MIGA1: variants seen among roughly 807,000 people sequenced by gnomAD.
The protein encoded by MIGA1 is family with sequence similarity 73, member A.
Under a neutral mutation model 82.0 loss-of-function variants are expected in MIGA1, and 58 were observed. The observed-to-expected ratio is 0.71, with a 90% CI of 0.57 to 0.88. MIGA1 has a LOEUF of 0.88. Ranked by LOEUF, MIGA1 falls within the 40% of genes least tolerant of loss-of-function variation. The pLI is 0.00. For synonymous variants in MIGA1, 249 were observed against 253.6 expected, an observed-to-expected ratio of 0.98 and a Z score of 0.17; for missense variants, 751 against 749.1, an observed-to-expected ratio of 1.00 and a Z score of -0.03.
chr1:77,858,584 A>G (rs561863908), intron 8 of MIGA1, among the ~76,000 whole-genome samples: 7 of 152,130 alleles, frequency 4.6e-5, no homozygotes, highest in South Asian at 4.1e-4. Context: ...TTATCTTCTT[A>G]TATCAGTGTA....
chr1:77,864,103 G>A (rs1371669081), intron 13 of MIGA1, 75 bp downstream of exon 13: 7 of 1,490,900 alleles, frequency 4.7e-6, no homozygotes, highest in African/African-American at 4.3e-5. Context: ...GCTCACGCCT[G>A]TAATCCCAGC....
chr1:77,814,911 A>G (rs1683515576), intron 6 of MIGA1, among the ~76,000 whole-genome samples, 197 bp from the exon 7 acceptor site: 1 of 152,208 alleles, frequency 6.6e-6, no homozygotes, highest in South Asian at 2.1e-4. Flanking sequence ...CTGAATCACT[A>G]AGAACTAAGG....
Position 77,779,742 on chromosome 1 carries a change from G to A in MIGA1, c.81+6G>A. On this transcript the variant is annotated splice_donor_region_variant and intron_variant, in intron 1 of 15. Transcript: ENST00000370791. ...TACCTGGCCTGGAGCTCCAGGTACA[G>A]GGCCAGGGGCGGGGTGGGGTGGAGA... 1 of 1,561,940 alleles carries A rather than the reference G, an allele frequency of 6.4e-7. No homozygotes were observed.
intron 14 of MIGA1, among the ~76,000 whole-genome samples, chr1:77,870,495 G>A (rs1685923029): frequency 6.1e-5 from 7 of 114,398 alleles, no homozygotes; most frequent in African/African-American, 2.1e-4. Context: ...GGGCGGCCGG[G>A]CAGAGACGCT....
chr1:77,808,281 G>A (rs1201502198), intron 5 of MIGA1, among the ~76,000 whole-genome samples: 4 of 151,966 alleles, frequency 2.6e-5, no homozygotes, highest in African/African-American at 7.3e-5. Flanking sequence ...TAATCTCCCT[G>A]TGTTGGGATT....
chr1:77,788,203 A>G (rs1682257195), intron 2 of MIGA1, among the ~76,000 whole-genome samples: 1 of 152,164 alleles, frequency 6.6e-6, no homozygotes, highest in Admixed American at 6.5e-5. Context: ...GGGTTTCACC[A>G]TGTTGGCCAG....
At chr1:77,859,937 T>G in intron 10 of MIGA1, 103 bp from the exon 11 acceptor site, 1 of 701,102 alleles carries the variant, frequency 1.4e-6, no homozygotes, top group Admixed American at 3.0e-5. Flanking sequence ...TAGCACCACA[T>G]GCAATGCATT....
At chr1:77,818,733 A>AC (rs750613704) in intron 7 of MIGA1, among the ~76,000 whole-genome samples, 1 of 152,018 alleles carries the variant, frequency 6.6e-6, no homozygotes, top group East Asian at 1.9e-4. Context: ...ATAGTTCGAG[A>AC]CCAGCCTTGT....
At chr1:77,831,233 T>C (rs1414513949) in intron 7 of MIGA1, among the ~76,000 whole-genome samples, 1 of 152,238 alleles carries the variant, frequency 6.6e-6, no homozygotes, top group Non-Finnish European at 1.5e-5. Flanking sequence ...TGAATATCTA[T>C]GAAATTTATT....
At position 77,861,208 on chromosome 1, in the gene MIGA1, G is replaced by A. The variant is rs183664952; in HGVS notation, c.1276-16G>A. The A allele has an allele frequency of 4.2e-3, 6,302 of 1,509,032 alleles. 31 individuals carry two copies. Among genetic ancestry groups the A allele is most frequent in the Non-Finnish European group, 4.2e-3 (4,617 of 1,088,266 alleles). 93.5% of individuals were successfully genotyped at this position (1,509,032 alleles called of 1,614,324 possible). On this transcript the variant is annotated splice_polypyrimidine_tract_variant and intron_variant, in intron 11 of 15. Transcript: ENST00000370791. ...ATAAAGTTGAGTTTAGGGTTAAAAT[G>A]TGTTTTCTTCTTCAGAATCCAAAGA...
At position 77,877,522 on chromosome 1, in the gene MIGA1, C is replaced by A. The variant is rs1275506744; in HGVS notation, c.*2458C>A. ...TTTTATTTAATATTACATGTTTTTA[C>A]CTTGTTGCGGTATCTTTGGCCTTCA... On this transcript the variant is annotated 3_prime_UTR_variant, in exon 16 of 16. Coordinates refer to ENST00000370791, the MANE Select transcript of MIGA1 (RefSeq NM_198549.4). The A allele has an allele frequency of 2.6e-5, 4 of 152,358 alleles. No individual in the cohort carries two copies. The highest frequency in any genetic ancestry group is 5.9e-5 in the Non-Finnish European group (4 of 68,016). The allele number at this position is 152,358 out of a possible 1,614,324, so 9.4% of individuals were successfully genotyped here.
At chr1:77,803,703 T>A (rs1682978034) in intron 4 of MIGA1, among the ~76,000 whole-genome samples, 1 of 152,062 alleles carries the variant, frequency 6.6e-6, no homozygotes, top group Non-Finnish European at 1.5e-5. Context: ...GAGCTAAAAA[T>A]TAAAACAATT....
At chr1:77,859,754 T>C in intron 10 of MIGA1, 1 of 385,614 alleles carries the variant, frequency 2.6e-6, no homozygotes, top group Non-Finnish European at 4.6e-6. Flanking sequence ...AACAAGAATA[T>C]ATTTGTTTTC....
intron 4 of MIGA1, among the ~76,000 whole-genome samples, chr1:77,805,461 C>CTT (rs11408292): frequency 0.025 from 2,800 of 110,252 alleles, 94 homozygotes; most frequent in Middle Eastern, 0.055. Flanking sequence ...TATGCCTATT[C>CTT]TTTTTTTTTT....
intron 2 of MIGA1, among the ~76,000 whole-genome samples, 166 bp downstream of exon 2, chr1:77,783,517 G>T (rs1255453535): frequency 1.3e-5 from 2 of 151,878 alleles, no homozygotes; most frequent in African/African-American, 4.8e-5. Context: ...TTTGTTTTTG[G>T]TTTTGGTTAT....
Position 77,783,351 on chromosome 1 carries a change from G to A in MIGA1, c.195G>A (p.Gln65=). The change falls in exon 2 of 16, where the codon CAG becomes CAA. Residue 65 remains glutamine, a splice_region_variant and synonymous_variant. Transcript: ENST00000370791. ...TGACTTGGTACTATTCTCTCTCCCAGGTAAATAAAAGAAGCAAACAGGAAG... is the reference window on the plus strand; with the variant it reads ...TGACTTGGTACTATTCTCTCTCCCAAGTAAATAAAAGAAGCAAACAGGAAG... 2 of 1,544,384 alleles carry A rather than the reference G, an allele frequency of 1.3e-6. No homozygotes were observed. The highest frequency in any genetic ancestry group is 1.2e-5 in the South Asian group (1 of 82,488).
chr1:77,833,225 G>A (rs1468411299), intron 7 of MIGA1, among the ~76,000 whole-genome samples: 2 of 152,130 alleles, frequency 1.3e-5, no homozygotes, highest in South Asian at 2.1e-4. Flanking sequence ...TATTTTTAGG[G>A]AATGATATGA....
At chr1:77,815,663 C>T (rs1022499967) in intron 7 of MIGA1, among the ~76,000 whole-genome samples, 7 of 152,142 alleles carry the variant, frequency 4.6e-5, no homozygotes, top group Non-Finnish European at 5.9e-5. Context: ...GTACATACAT[C>T]GTTATGGGTC....
At chr1:77,836,037 AGAGT>A (rs1365046067) in intron 7 of MIGA1, among the ~76,000 whole-genome samples, 1 of 152,216 alleles carries the variant, frequency 6.6e-6, no homozygotes, top group Non-Finnish European at 1.5e-5. Context: ...AAAATGAACC[AGAGT>A]AAGTATATGA....
Sources: allele counts gnomAD v4.1 joint callset (sites outside exome capture counted in the v4.1 genomes callset), GRCh38; gene constraint gnomAD v4.1.1; transcripts MANE v1.5; gene names NCBI Gene and HGNC (gene_info 2026-07-23, HGNC 2026-07-21).